POLR2H: variants seen among roughly 807,000 people sequenced by gnomAD.
The protein encoded by POLR2H is DNA-directed RNA polymerases I, II, and III subunit RPABC3.
A neutral mutation model predicts 18.1 loss-of-function variants in POLR2H; 3 were observed. The ratio of observed to expected loss-of-function variants is 0.17; its 90% CI spans 0.08 to 0.43. The LOEUF (loss-of-function observed/expected upper bound fraction) is 0.43. POLR2H is among the 20% of genes least tolerant of loss of function. POLR2H has a pLI of 0.99. For synonymous variants in POLR2H, 76 were observed against 69.0 expected, an observed-to-expected ratio of 1.10 and a Z score of -0.50; for missense variants, 103 against 184.6, an observed-to-expected ratio of 0.56 and a Z score of 2.56.
chr3:184,363,549 C>T lies in POLR2H; in HGVS notation c.57C>T (p.Gly19=). ...IFDVKDIDPE[G]KKFDRVSRLH... ...ATGTGAAGGATATTGACCCGGAGGG[C>T]AAGAAGTTTGACCGAGGTAAGTAAG... The change falls in exon 2 of 6, where the codon GGC becomes GGT. Residue 19 remains glycine (G), a synonymous_variant. Transcript: ENST00000456318. 1 of 1,613,956 alleles carries T rather than the reference C, an allele frequency of 6.2e-7. No individual in the cohort carries two copies. Among genetic ancestry groups the T allele is most frequent in the Non-Finnish European group, 8.5e-7 (1 of 1,179,860 alleles).
Position 184,363,405 on chromosome 3 carries a change from C to T in POLR2H, c.-88C>T, listed in dbSNP as rs1712628044. 23 of 1,138,602 alleles carry T rather than the reference C, an allele frequency of 2.0e-5. No individual in the cohort carries two copies. In the South Asian group the frequency reaches 2.0e-4, roughly 10 times the overall value. The allele number at this position is 1,138,602 out of a possible 1,614,324, so 70.5% of individuals were successfully genotyped here. On this transcript the variant is annotated 5_prime_UTR_variant, in exon 2 of 6. Transcript: ENST00000456318. ...GCTTTCAGGAGGTGCTTTTGGTTCT[C>T]TCCGGTCTTGTCCACGCTAGGGGGT...
Position 184,363,420 on chromosome 3 carries a change from C to A in POLR2H, c.-73C>A. The A allele has an allele frequency of 7.8e-7, 1 of 1,278,364 alleles. No individual in the cohort carries two copies. The highest frequency in any genetic ancestry group is 1.5e-5 in the African/African-American group (1 of 68,732). 79.2% of individuals were successfully genotyped at this position (1,278,364 alleles called of 1,614,324 possible). A position where few individuals can be genotyped will look rare whatever the true frequency, so the allele number is the denominator to read the frequency against. ...TTTTGGTTCTCTCCGGTCTTGTCCACGCTAGGGGGTGCACGTACTCCCAAC... is the reference window on the plus strand; with the variant it reads ...TTTTGGTTCTCTCCGGTCTTGTCCAAGCTAGGGGGTGCACGTACTCCCAAC... On this transcript the variant is annotated 5_prime_UTR_variant, in exon 2 of 6. Coordinates refer to ENST00000456318, the MANE Select transcript of POLR2H (RefSeq NM_006232.5).
Position 184,368,321 on chromosome 3 carries a change from CAAG to C in POLR2H, c.*28_*30del. 6.4e-7 allele frequency: 1 copy of C among 1,550,838 alleles called. No individual in the cohort carries two copies. The highest frequency in any genetic ancestry group is 8.7e-7 in the Non-Finnish European group (1 of 1,144,408). ...CCTCGCCTGAAGCCAGCCTCTCTGCCAAGTCACTCAGGTCATGGGCATTGTTCA... is the reference window on the plus strand; with the variant it reads ...CCTCGCCTGAAGCCAGCCTCTCTGCCTCACTCAGGTCATGGGCATTGTTCA... On this transcript the variant is annotated 3_prime_UTR_variant, in exon 6 of 6. Transcript: ENST00000456318.
intron 2 of POLR2H, among the ~76,000 whole-genome samples, 195 bp downstream of exon 2, chr3:184,363,760 C>T (rs1453713128): frequency 6.6e-6 from 1 of 152,318 alleles, no homozygotes; most frequent in East Asian, 1.9e-4. Context: ...ATGCCGTGCC[C>T]GGTGCCTGGG....
intron 5 of POLR2H, 34 bp from the exon 6 acceptor site, chr3:184,368,143 C>T: frequency 3.7e-6 from 6 of 1,613,756 alleles, no homozygotes; most frequent in Non-Finnish European, 5.1e-6. Flanking sequence ...AGTGGCAGTG[C>T]TCCAGAATCA....
chr3:184,366,398 C>T (rs1021341258), intron 4 of POLR2H: 3 of 166,778 alleles, frequency 1.8e-5, no homozygotes, highest in Admixed American at 6.4e-5. Flanking sequence ...AGTGCAGTGG[C>T]GCGATCTCAG....
At chr3:184,367,562 C>T (rs1403928242) in intron 5 of POLR2H, among the ~76,000 whole-genome samples, 1 of 151,564 alleles carries the variant, frequency 6.6e-6, no homozygotes, top group Non-Finnish European at 1.5e-5. Context: ...TCTCGGCTCA[C>T]TGCAAGCTCC....
intron 5 of POLR2H, 72 bp downstream of exon 5, chr3:184,366,872 C>G (rs1713394019): frequency 4.4e-6 from 4 of 918,192 alleles, no homozygotes; most frequent in Non-Finnish European, 7.2e-6. Context: ...GCTCCTGCTT[C>G]CTCTGTTGAG....
intron 5 of POLR2H, 47 bp from the exon 6 acceptor site, chr3:184,368,130 C>T (rs1487120475): frequency 1.9e-6 from 3 of 1,613,610 alleles, no homozygotes; most frequent in Admixed American, 3.3e-5. Context: ...TTGAGAGCTG[C>T]TGAGTGGCAG....
chr3:184,362,000 T>C lies in POLR2H; in HGVS notation c.-767T>C. 1 of 152,936 alleles carries C rather than the reference T, an allele frequency of 6.5e-6. No individual in the cohort carries two copies. The highest frequency in any genetic ancestry group is 2.1e-4 in the South Asian group (1 of 4,836). The allele number at this position is 152,936 out of a possible 1,614,324, so 9.5% of individuals were successfully genotyped here. A position where few individuals can be genotyped will look rare whatever the true frequency, so the allele number is the denominator to read the frequency against. On this transcript the variant is annotated 5_prime_UTR_variant, in exon 1 of 6. Transcript: ENST00000456318. This position sits in a 1 kb window ranked among gnomAD's most constrained non-coding sequence, Gnocchi z 6.6. ...CCGGGTCAGCCCGTTAGGAGCCGCC[T>C]CCCCTCTGCCCCTCCGAAGAGACGA...
At chr3:184,366,216 G>A (rs1375551607) in intron 4 of POLR2H, among the ~76,000 whole-genome samples, 10 of 151,898 alleles carry the variant, frequency 6.6e-5, no homozygotes, top group Non-Finnish European at 1.3e-4. Context: ...CCTTCAGCCT[G>A]TTTCCTCATC....
chr3:184,366,829 TTTCCTC>T (rs1412150463), intron 5 of POLR2H, 29 bp downstream of exon 5: 15 of 1,299,182 alleles, frequency 1.2e-5, no homozygotes, highest in Non-Finnish European at 1.6e-5. Context: ...TGAGGATTCT[TTTCCTC>T]TTCCATGTTC....
At chr3:184,366,609 G>A (rs550176074) in intron 4 of POLR2H, 108 bp from the exon 5 acceptor site, 249 of 651,594 alleles carry the variant, frequency 3.8e-4, no homozygotes, top group East Asian at 7.9e-4. Context: ...AAGTGCTGGG[G>A]TTACAGGCTT....
chr3:184,363,843 T>C (rs1577341520), intron 2 of POLR2H, among the ~76,000 whole-genome samples: 1 of 152,198 alleles, frequency 6.6e-6, no homozygotes, highest in Non-Finnish European at 1.5e-5. Context: ...CTAGACACTG[T>C]CTTGTGAGAC....
At chr3:184,366,113 T>G (rs1713225232) in intron 4 of POLR2H, among the ~76,000 whole-genome samples, 1 of 152,178 alleles carries the variant, frequency 6.6e-6, no homozygotes. Flanking sequence ...GTCTTGTGTC[T>G]TGGGAGGGAG....
At chr3:184,365,247 A>G (rs372121707) in intron 4 of POLR2H, 21 bp downstream of exon 4, 1 of 1,357,260 alleles carries the variant, frequency 7.4e-7, no homozygotes, top group Non-Finnish European at 1.1e-6. Context: ...GGAGAAGGTA[A>G]TACTTGAAAT....
intron 2 of POLR2H, chr3:184,364,761 C>G (rs931720687): frequency 1.7e-6 from 1 of 575,596 alleles, no homozygotes; most frequent in African/African-American, 1.9e-5. Flanking sequence ...TGGTTGTTTT[C>G]TGGGGATTAC....
At chr3:184,363,908 T>C (rs1296188685) in intron 2 of POLR2H, among the ~76,000 whole-genome samples, 1 of 152,092 alleles carries the variant, frequency 6.6e-6, no homozygotes, top group Non-Finnish European at 1.5e-5. Flanking sequence ...AAAATTAGCC[T>C]GGCGTGGTGG....
Position 184,363,305 on chromosome 3 carries a change from GAGCGGGAGGCTGTGGCGGA to G in POLR2H, c.-185_-167del. 2 of 636,412 alleles carry G rather than the reference GAGCGGGAGGCTGTGGCGGA, an allele frequency of 3.1e-6. No homozygotes were observed. Among genetic ancestry groups the G allele is most frequent in the Non-Finnish European group, 5.7e-6 (2 of 350,492 alleles). The allele number at this position is 636,412 out of a possible 1,614,324, so 39.4% of individuals were successfully genotyped here. Reference sequence around the variant, plus strand: ...TTCGGGACGGAAGTTAAGTAGCCCCGAGCGGGAGGCTGTGGCGGAAGTGGTCGCGTTACCGCTTGTTTGT... The same window carrying G: ...TTCGGGACGGAAGTTAAGTAGCCCCGAGTGGTCGCGTTACCGCTTGTTTGT... On this transcript the variant is annotated 5_prime_UTR_variant, in exon 2 of 6. An upstream open reading frame in the 5' UTR gains an earlier in-frame stop. Transcript: ENST00000456318.
Sources: gnomAD v4.1 joint callset for allele counts (sites outside exome capture counted in the v4.1 genomes callset) on GRCh38, gnomAD v4.1.1 for gene constraint, Gnocchi (gnomAD v3.1) non-coding constraint, MANE v1.5 for transcripts, NCBI Gene and HGNC (gene_info 2026-07-23, HGNC 2026-07-21) for gene names.